MROH9: variants seen among roughly 807,000 people sequenced by gnomAD.
MROH9 encodes maestro heat-like repeat-containing protein family member 9.
MROH9 carries 92 observed loss-of-function variants against 98.2 expected under a neutral mutation model. The observed-to-expected ratio is 0.94, with a 90% confidence interval of 0.79 to 1.11. The LOEUF (loss-of-function observed/expected upper bound fraction) is 1.11. MROH9 is among the 50% of genes most tolerant of loss of function. MROH9 has a pLI of 0.00. For synonymous variants in MROH9, 397 were observed against 368.9 expected, an observed-to-expected ratio of 1.08 and a Z score of -0.87; for missense variants, 1,057 against 1,014.8, an observed-to-expected ratio of 1.04 and a Z score of -0.57.
At chr1:171,037,790 A>C (rs1054949740) in intron 20 of MROH9, among the ~76,000 whole-genome samples, 3 of 151,692 alleles carry the variant, frequency 2.0e-5, no homozygotes. Flanking sequence ...TAAACATGCA[A>C]TATTTTAGAA....
chr1:171,007,783 G>A (rs1001759230), intron 15 of MROH9, among the ~76,000 whole-genome samples: 12 of 152,166 alleles, frequency 7.9e-5, no homozygotes, highest in African/African-American at 2.9e-4. Context: ...AAAGTCAGCA[G>A]GCCTGTTACC....
At chr1:171,009,866 G>A (rs1243464183) in intron 15 of MROH9, among the ~76,000 whole-genome samples, 1 of 152,194 alleles carries the variant, frequency 6.6e-6, no homozygotes, top group Non-Finnish European at 1.5e-5. Context: ...CATGTCAAAA[G>A]GACACAAGAA....
At chr1:170,959,947 C>G (rs1391885025) in intron 5 of MROH9, among the ~76,000 whole-genome samples, 1 of 152,208 alleles carries the variant, frequency 6.6e-6, no homozygotes, top group Admixed American at 6.5e-5. Context: ...TCTGCGGTCT[C>G]CATTTCTTCA....
Position 170,973,376 on chromosome 1 carries a change from G to A in MROH9, c.616+1493G>A, listed in dbSNP as rs184779284. On this transcript the variant is annotated intron_variant, in intron 8 of 21. Transcript: ENST00000367759. ...AAGTACCGAGGTACAGTACTCAGAC[G>A]GGTTTTGTCTCATTAGGAGAAAAAA... Among the ~76,000 whole-genome samples, 62 of 152,066 alleles carry A rather than the reference G, an allele frequency of 4.1e-4. No homozygotes were observed. The East Asian group carries it at 9.1e-3, about 22-fold the overall frequency.
At position 170,992,226 on chromosome 1, in the gene MROH9, A is replaced by AGACAATCTT; in HGVS notation, c.1092_1100dup (p.Thr365_Leu367dup). On this transcript the variant is annotated inframe_insertion, in exon 12 of 22. Transcript: ENST00000367759. ...GCGAGCGTGGCCCCTCACGTGCTGA[A>AGACAATCTT]GACAATCTTATTGATACTGAAAGGA... 1 of 1,613,568 alleles carries AGACAATCTT rather than the reference A, an allele frequency of 6.2e-7. No individual in the cohort carries two copies. Among genetic ancestry groups the AGACAATCTT allele is most frequent in the Non-Finnish European group, 8.5e-7 (1 of 1,179,698 alleles).
intron 17 of MROH9, among the ~76,000 whole-genome samples, chr1:171,019,494 A>T (rs1217757762): frequency 6.6e-6 from 1 of 152,090 alleles, no homozygotes; most frequent in Non-Finnish European, 1.5e-5. Context: ...TCTACTAAAA[A>T]TACAAAAATT....
At chr1:170,948,276 A>G (rs1341410943) in intron 3 of MROH9, among the ~76,000 whole-genome samples, 1 of 152,070 alleles carries the variant, frequency 6.6e-6, no homozygotes, top group Non-Finnish European at 1.5e-5. Flanking sequence ...TTCTACCTTT[A>G]CAAAAGAAAT....
chr1:170,971,602 C>A, intron 7 of MROH9, 146 bp from the exon 8 acceptor site: 1 of 902,736 alleles, frequency 1.1e-6, no homozygotes, highest in Non-Finnish European at 1.7e-6. Flanking sequence ...GAGTCAGTAA[C>A]GGGGCCAGGA....
At chr1:170,980,666 C>G (rs1650894490) in intron 8 of MROH9, among the ~76,000 whole-genome samples, 1 of 152,060 alleles carries the variant, frequency 6.6e-6, no homozygotes, top group South Asian at 2.1e-4. Context: ...CATAAAAACC[C>G]TAGAAGAAAA....
chr1:171,008,129 A>C (rs1468560594), intron 15 of MROH9, among the ~76,000 whole-genome samples: 1 of 152,158 alleles, frequency 6.6e-6, no homozygotes, highest in Non-Finnish European at 1.5e-5. Flanking sequence ...CTTCTATTTC[A>C]CTATTAAGAC....
chr1:171,033,518 C>T (rs1030672075), intron 20 of MROH9, among the ~76,000 whole-genome samples: 7 of 152,236 alleles, frequency 4.6e-5, no homozygotes, highest in East Asian at 1.9e-4. Flanking sequence ...TTCCCTGCCC[C>T]GTGTGGCTCT....
intron 3 of MROH9, among the ~76,000 whole-genome samples, chr1:170,947,948 C>T (rs536649230): frequency 1.3e-5 from 2 of 152,068 alleles, no homozygotes; most frequent in African/African-American, 4.8e-5. Flanking sequence ...AGCCCTTCTA[C>T]CTAGTCTCTG....
chr1:170,944,597 AG>A (rs1241036354), intron 1 of MROH9, among the ~76,000 whole-genome samples: 2 of 151,554 alleles, frequency 1.3e-5, no homozygotes, highest in African/African-American at 4.9e-5. Flanking sequence ...ATACCAAAAA[AG>A]TGTAAACAAC....
chr1:171,061,344 G>A (rs1297633065), intron 20 of MROH9, among the ~76,000 whole-genome samples: 6 of 152,052 alleles, frequency 3.9e-5, no homozygotes, highest in African/African-American at 7.2e-5. Context: ...AAGCATACCC[G>A]GTAAATCCAC....
Position 170,971,781 on chromosome 1 carries a change from G to A in MROH9, c.514G>A (p.Ala172Thr). 1 of 1,614,048 alleles carries A rather than the reference G, an allele frequency of 6.2e-7. No individual in the cohort carries two copies. Residue 172 changes from alanine (A) to threonine (T), a missense_variant, in exon 8 of 22, where the codon GCA (alanine) becomes ACA (threonine). Ala to Thr is a moderately conservative substitution (Grantham distance 58). Transcript: ENST00000367759. ...SVDAPCLGLL[A>T]AELSLLCSHE... Reference sequence around the variant, plus strand: ...TGATGCTCCATGTTTGGGTCTCCTGGCAGCAGAGCTGTCTCTTTTGTGTTC... The same window carrying A: ...TGATGCTCCATGTTTGGGTCTCCTGACAGCAGAGCTGTCTCTTTTGTGTTC...
chr1:170,972,684 C>A (rs1309840864), intron 8 of MROH9, among the ~76,000 whole-genome samples: 1 of 151,612 alleles, frequency 6.6e-6, no homozygotes, highest in Non-Finnish European at 1.5e-5. Context: ...TGGTGGCAGG[C>A]ACCTGTAATC....
At chr1:171,037,814 C>T (rs1270022837) in intron 20 of MROH9, among the ~76,000 whole-genome samples, 2 of 149,174 alleles carry the variant, frequency 1.3e-5, no homozygotes, top group Middle Eastern at 3.4e-3. Context: ...GAATCATTGA[C>T]CTTAACTAAC....
intron 7 of MROH9, among the ~76,000 whole-genome samples, chr1:170,966,901 A>G (rs1406766286): frequency 6.6e-6 from 1 of 152,116 alleles, no homozygotes; most frequent in East Asian, 1.9e-4. Context: ...ACAGCTCCTA[A>G]AATGTGTTAT....
intron 20 of MROH9, among the ~76,000 whole-genome samples, chr1:171,053,789 A>C (rs1279398932): frequency 6.6e-6 from 1 of 152,184 alleles, no homozygotes; most frequent in Non-Finnish European, 1.5e-5. Context: ...ATATGTCAGA[A>C]TAAAATATTC....
Sources: gnomAD v4.1 joint callset for allele counts (sites outside exome capture counted in the v4.1 genomes callset) on GRCh38, gnomAD v4.1.1 for gene constraint, MANE v1.5 for transcripts, NCBI Gene and HGNC (gene_info 2026-07-23, HGNC 2026-07-21) for gene names.